The following ADPRHL1 variants were observed in gnomAD, a reference collection of about 807,000 sequenced individuals.
ADPRHL1 encodes ADP-ribosylhydrolase like 1, also known as inactive ADP-ribosyltransferase ARH2.
In ADPRHL1, 43 loss-of-function variants were observed where a neutral mutation model predicts 44.1. The observed-to-expected ratio is 0.98, with a 90% CI of 0.76 to 1.26. The LOEUF (loss-of-function observed/expected upper bound fraction) is 1.26. ADPRHL1 is among the 50% of genes most tolerant of loss of function. The pLI, the probability that ADPRHL1 is intolerant of heterozygous loss-of-function variation, is 0.00. For synonymous variants in ADPRHL1, 878 were observed against 1,017.4 expected (o/e 0.86, Z 2.61); for missense variants, 2,022 against 2,496.9 (o/e 0.81, Z 4.05).
chr13:113,415,038 G>C (rs917591468), intron 7 of ADPRHL1, among the ~76,000 whole-genome samples: 3 of 152,154 alleles, frequency 2.0e-5, no homozygotes, highest in Admixed American at 6.5e-5. Context: ...TGAAGATCAG[G>C]GAGGGCGACA....
chr13:113,415,447 G>A (rs1379119493), intron 7 of ADPRHL1, among the ~76,000 whole-genome samples: 2 of 152,176 alleles, frequency 1.3e-5, no homozygotes, highest in East Asian at 1.9e-4. Flanking sequence ...AGGGTCCACC[G>A]AATTAGTGTT....
chr13:113,430,878 A>G (rs2044002291), intron 3 of ADPRHL1, among the ~76,000 whole-genome samples: 1 of 152,072 alleles, frequency 6.6e-6, no homozygotes, highest in East Asian at 1.9e-4. Context: ...CATGCAGGGG[A>G]GCAGTGACCC....
At chr13:113,418,712 C>T (rs2043898746) in intron 7 of ADPRHL1, among the ~76,000 whole-genome samples, 1 of 152,124 alleles carries the variant, frequency 6.6e-6, no homozygotes, top group Non-Finnish European at 1.5e-5. Context: ...CTTCAGAGCT[C>T]ACATCCGTGG....
chr13:113,436,830 G>A (rs552892801), intron 2 of ADPRHL1, among the ~76,000 whole-genome samples: 1 of 74,934 alleles, frequency 1.3e-5, no homozygotes, highest in African/African-American at 5.5e-5. Flanking sequence ...CGGCACCCAG[G>A]CGCAGGGTGA....
At chr13:113,428,925 C>T (rs371692782) in intron 4 of ADPRHL1, 27 bp downstream of exon 4, 14 of 1,610,766 alleles carry the variant, frequency 8.7e-6, no homozygotes, top group African/African-American at 6.7e-5. Context: ...GCTCTGAGTG[C>T]GGACTGGGGC....
intron 2 of ADPRHL1, among the ~76,000 whole-genome samples, chr13:113,435,127 G>A (rs1250068522): frequency 8.5e-5 from 11 of 128,802 alleles, no homozygotes; most frequent in South Asian, 2.8e-4. Flanking sequence ...GAACATAGGT[G>A]TACCCCAGGA....
At position 113,405,126 on chromosome 13, in the gene ADPRHL1, G is replaced by T; in HGVS notation, c.4156C>A (p.Gln1386Lys). ...DLGRQQSHQA[Q>K]EETPQPGDAG... ...TCCCCGGGCTGGGGGGTCTCCTCCT[G>T]TGCCTGGTGACTCTGTTGCCTCCCC... Residue 1386 changes from glutamine to lysine, a missense_variant, in exon 8 of 8, where the codon CAG becomes AAG. Coordinates refer to ENST00000612156, the MANE Select transcript of ADPRHL1 (RefSeq NM_001394807.1). The T allele has an allele frequency of 8.1e-7, 1 of 1,232,260 alleles. No individual in the cohort carries two copies. Among genetic ancestry groups the T allele is most frequent in the Non-Finnish European group, 1.0e-6 (1 of 988,352 alleles). 76.3% of individuals were successfully genotyped at this position (1,232,260 alleles called of 1,614,324 possible).
intron 6 of ADPRHL1, 41 bp downstream of exon 6, chr13:113,424,176 G>T: frequency 6.2e-7 from 1 of 1,609,692 alleles, no homozygotes; most frequent in African/African-American, 1.3e-5. Context: ...GAAGAAGGGT[G>T]CTACCCTCCA....
chr13:113,440,310 C>A (rs72666954), intron 2 of ADPRHL1, among the ~76,000 whole-genome samples: 1 of 152,110 alleles, frequency 6.6e-6, no homozygotes, highest in Non-Finnish European at 1.5e-5. Flanking sequence ...TTTGTTATGT[C>A]CCCCTGATGA....
At chr13:113,447,804 TG>T (rs2044153089) in intron 1 of ADPRHL1, among the ~76,000 whole-genome samples, 2 of 152,304 alleles carry the variant, frequency 1.3e-5, no homozygotes, top group South Asian at 2.1e-4. Flanking sequence ...AACCCCTGGA[TG>T]GGGGTACAGC....
intron 3 of ADPRHL1, among the ~76,000 whole-genome samples, chr13:113,430,767 G>A (rs982629321): frequency 4.0e-5 from 6 of 151,840 alleles, no homozygotes; most frequent in Non-Finnish European, 7.4e-5. Context: ...TGGCACTAGT[G>A]GTGGCGGTGA....
At position 113,428,995 on chromosome 13, in the gene ADPRHL1, A is replaced by G; in HGVS notation, c.603T>C (p.Pro201=). Residue 201 remains proline, a synonymous_variant, in exon 4 of 8, where the codon CCT becomes CCC. Coordinates refer to ENST00000612156, the MANE Select transcript of ADPRHL1 (RefSeq NM_001394807.1). The part of the protein sequence containing the change: ...QWGRDMLRAV[P]LAEEYCRKTI... ...TCTTCCTGCAGTACTCTTCTGCCAGAGGCACCGCCCGCAGCATGTCTCTCC... is the reference window on the plus strand; with the variant it reads ...TCTTCCTGCAGTACTCTTCTGCCAGGGGCACCGCCCGCAGCATGTCTCTCC... 5 of 1,612,794 alleles carry G rather than the reference A, an allele frequency of 3.1e-6. No individual in the cohort carries two copies. Among genetic ancestry groups the G allele is most frequent in the South Asian group, 1.1e-5 (1 of 91,088 alleles).
At position 113,430,001 on chromosome 13, in the gene ADPRHL1, C is replaced by T. The variant is rs373175321; in HGVS notation, c.506-909G>A. ...GTCCGGGAGGCCTGTCCTGGTCCAT[C>T]TTCCAGGGCAGTGGGGAAAGATGGA... is the stretch of plus-strand genomic sequence containing the variant. On this transcript the variant is annotated intron_variant, in intron 3 of 7. Transcript: ENST00000612156. Among the ~76,000 whole-genome samples the T allele has an allele frequency of 1.2e-3, 184 of 152,344 alleles. 1 individual carries two copies. Among genetic ancestry groups the T allele is most frequent in the East Asian group, 5.4e-3 (28 of 5,186 alleles).
At chr13:113,450,952 A>ACCCC (rs59128545) in intron 1 of ADPRHL1, among the ~76,000 whole-genome samples, 15 of 127,838 alleles carry the variant, frequency 1.2e-4, no homozygotes, top group African/African-American at 4.2e-4. Flanking sequence ...GGAAAGGGAG[A>ACCCC]CCCCCCCCCC....
In ADPRHL1 at chr13:113,406,252, TGA is replaced by T. The variant is rs1020312786; in HGVS notation, c.3028_3029del (p.Ser1010ThrfsTer43). 2 of 1,231,998 alleles carry T rather than the reference TGA, an allele frequency of 1.6e-6. No homozygotes were observed. Among genetic ancestry groups the T allele is most frequent in the African/African-American group, 3.1e-5 (2 of 64,436 alleles). 76.3% of individuals were successfully genotyped at this position (1,231,998 alleles called of 1,614,324 possible). ...KGSATNDPAA[S>X]QNLLRGNTSH... The stretch of plus-strand genomic sequence containing the variant: ...TGGTGTTTCCCCTCAGAAGGTTTTG[TGA>T]GGCTGCAGGATCATTTGTTGCGGAG... On this transcript the variant is annotated frameshift_variant, in exon 8 of 8. Coordinates refer to ENST00000612156, the MANE Select transcript of ADPRHL1 (RefSeq NM_001394807.1). LOFTEE classifies it low-confidence loss of function (END_TRUNC).
Position 113,429,013 on chromosome 13 carries a change from G to C in ADPRHL1, c.585C>G (p.Asp195Glu), listed in dbSNP as rs920619446. 1.9e-6 allele frequency: 3 copies of C among 1,612,900 alleles called. No homozygotes were observed. Among genetic ancestry groups the C allele is most frequent in the Middle Eastern group, 1.6e-4 (1 of 6,062 alleles). Residue 195 changes from aspartate to glutamate, a missense_variant, in exon 4 of 8, where the codon GAC becomes GAG. By Grantham distance (45) the Asp-to-Glu change is conservative. Transcript: ENST00000612156. Reference sequence around the variant, plus strand: ...CTGCCAGAGGCACCGCCCGCAGCATGTCTCTCCCCCACTGGACCAGGGGCT... The same window carrying C: ...CTGCCAGAGGCACCGCCCGCAGCATCTCTCTCCCCCACTGGACCAGGGGCT... ...QGKPLVQWGR[D>E]MLRAVPLAEE...
At position 113,407,004 on chromosome 13, in the gene ADPRHL1, C is replaced by T. The variant is rs2043813885; in HGVS notation, c.2278G>A (p.Gly760Arg). 2 of 1,232,276 alleles carry T rather than the reference C, an allele frequency of 1.6e-6. No individual in the cohort carries two copies. The highest frequency in any genetic ancestry group is 2.0e-6 in the Non-Finnish European group (2 of 988,104). The allele number at this position is 1,232,276 out of a possible 1,614,324, so 76.3% of individuals were successfully genotyped here. A position where few individuals can be genotyped will look rare whatever the true frequency, so the allele number is the denominator to read the frequency against. The change falls in exon 8 of 8, where the codon GGA becomes AGA. Residue 760 changes from glycine (G) to arginine (R), a missense_variant. Physicochemically the swap from Gly to Arg is moderately radical, Grantham distance 125. Transcript: ENST00000612156. ...STAGGVQEVR[G>R]ARLTWPPGPP... ...CCAGGAGGCCACGTGAGCCTGGCTC[C>T]CCTCACCTCCTGGACGCCTCCTGCG...
chr13:113,415,302 T>C (rs2043881567), intron 7 of ADPRHL1, among the ~76,000 whole-genome samples: 1 of 152,148 alleles, frequency 6.6e-6, no homozygotes, highest in Non-Finnish European at 1.5e-5. Flanking sequence ...AAGCAGAGTG[T>C]GGACCTGGAA....
rs1307336606 is a variant in ADPRHL1, at chr13:113,407,455, G to T, written c.1827C>A (p.Arg609=). ...ASTCVKMPPA[R]FLACTAEPLP... Reference sequence around the variant, plus strand: ...GGGGCTCAGCCGTGCAGGCCAGAAAGCGGGCAGGGGGCATCTTGACGCAGG... The same window carrying T: ...GGGGCTCAGCCGTGCAGGCCAGAAATCGGGCAGGGGGCATCTTGACGCAGG... The change falls in exon 8 of 8, where the codon CGC becomes CGA. Residue 609 remains arginine, a synonymous_variant. Transcript: ENST00000612156. The T allele has an allele frequency of 2.6e-5, 32 of 1,231,908 alleles. No homozygotes were observed. The highest frequency in any genetic ancestry group is 3.1e-5 in the Non-Finnish European group (31 of 988,002). The allele number at this position is 1,231,908 out of a possible 1,614,324, so 76.3% of individuals were successfully genotyped here.
Sources: allele counts gnomAD v4.1 joint callset (sites outside exome capture counted in the v4.1 genomes callset), GRCh38; gene constraint gnomAD v4.1.1; transcripts MANE v1.5; gene names NCBI Gene and HGNC (gene_info 2026-07-23, HGNC 2026-07-21).